The following MYH3 variants were observed in gnomAD, a reference collection of about 807,000 sequenced individuals.
MYH3 encodes the protein myosin-3.
Under a neutral mutation model 238.0 loss-of-function variants are expected in MYH3, and 130 were observed. That is an observed-to-expected ratio of 0.55 (90% CI 0.47 to 0.63). The LOEUF is 0.63. Among genes scored for constraint, MYH3 ranks in the 30% least tolerant of loss-of-function variants. The pLI is 0.00. For missense variants in MYH3, 1,853 were observed against 2,374.9 expected (o/e 0.78, Z 4.57); for synonymous variants, 880 against 924.1 (o/e 0.95, Z 0.86).
chr17:10,670,512 T>C, the MYH3 span, among the ~76,000 whole-genome samples: 1 of 152,232 alleles, frequency 6.6e-6, no homozygotes, highest in South Asian at 2.1e-4. The surrounding 1 kb of genome is among the most constrained non-coding windows in gnomAD (Gnocchi z 7.0). Context: ...TCTCACTGTG[T>C]TGCCCAGGCT....
the MYH3 span, chr17:10,677,864 C>T: frequency 6.6e-6 from 1 of 152,364 alleles, no homozygotes; most frequent in African/African-American, 2.4e-5. Context: ...CACCTGTAAT[C>T]CCAGCACTTT....
At chr17:10,649,501 AT>A in intron 7 of MYH3, 75 bp downstream of exon 7, 3 of 1,162,134 alleles carry the variant, frequency 2.6e-6, no homozygotes, top group Non-Finnish European at 3.9e-6. Flanking sequence ...ATGTGAGGAC[AT>A]TTGGCCCCCT....
At position 10,631,912 on chromosome 17, in the gene MYH3, C is replaced by T. The variant is rs1209348605; in HGVS notation, c.5061G>A (p.Glu1687=). The change falls in exon 35 of 41, where the codon GAG becomes GAA. Residue 1687 remains glutamate (E), a synonymous_variant. Transcript: ENST00000583535. The stretch of plus-strand genomic sequence containing the variant: ...TCTGCTCCAGAGTAGCCCGCAGCTC[C>T]TCCACCTCGGCCTGCAGCAGGTTGG... ...RRANLLQAEV[E]ELRATLEQTE... 1 of 1,614,184 alleles carries T rather than the reference C, an allele frequency of 6.2e-7. No homozygotes were observed. The highest frequency in any genetic ancestry group is 8.5e-7 in the Non-Finnish European group (1 of 1,180,040).
In MYH3 at chr17:10,635,396, G is replaced by T; in HGVS notation, c.4143C>A (p.Ile1381=). 6.2e-7 allele frequency: 1 copy of T among 1,613,978 alleles called. No homozygotes were observed. The highest frequency in any genetic ancestry group is 8.5e-7 in the Non-Finnish European group (1 of 1,179,874). ...QWRTKYETDA[I]QRTEELEEAK... is the part of the protein sequence containing the mutation. ...CCTCCTCCAGCTCTTCTGTGCGCTG[G>T]ATGGCGTCCGTCTCGTATTTGGTTC... Residue 1381 remains isoleucine, a synonymous_variant, in exon 30 of 41, where the codon ATC becomes ATA. Transcript: ENST00000583535.
chr17:10,639,199 G>C lies in MYH3; in HGVS notation c.3103-10C>G. The C allele has an allele frequency of 6.2e-7, 1 of 1,614,138 alleles. No individual in the cohort carries two copies. Among genetic ancestry groups the C allele is most frequent in the Non-Finnish European group, 8.5e-7 (1 of 1,180,018 alleles). ...CTAGGGAGCTTTCCAGCTGAAAAAG[G>C]CACCATTTCCTTTTGGGAACAAATG... is the stretch of plus-strand genomic sequence containing the variant. On this transcript the variant is annotated splice_polypyrimidine_tract_variant and intron_variant, in intron 24 of 40. Coordinates refer to ENST00000583535, the MANE Select transcript of MYH3 (RefSeq NM_002470.4).
Position 10,650,417 on chromosome 17 carries a change from A to AT in MYH3, c.506-17dup. The AT allele has an allele frequency of 6.2e-7, 1 of 1,610,072 alleles. No individual in the cohort carries two copies. The highest frequency in any genetic ancestry group is 8.5e-7 in the Non-Finnish European group (1 of 1,176,390). On this transcript the variant is annotated splice_polypyrimidine_tract_variant and intron_variant, in intron 5 of 40. Coordinates refer to ENST00000583535, the MANE Select transcript of MYH3 (RefSeq NM_002470.4). ...TTTTCACGATCTGCCAGAGGAAAAAATAAAATAGAGTTGATGGCAATAGAA... is the reference window on the plus strand; with the variant it reads ...TTTTCACGATCTGCCAGAGGAAAAAATTAAAATAGAGTTGATGGCAATAGAA...
At chr17:10,666,576 T>C in the MYH3 span, among the ~76,000 whole-genome samples, 1 of 56,440 alleles carries the variant, frequency 1.8e-5, no homozygotes, top group Non-Finnish European at 3.6e-5. Context: ...ACCTTGTCTC[T>C]ACAAAAAAAA....
At chr17:10,661,864 C>T (rs1450567333), upstream of MYH3, among the ~76,000 whole-genome samples, 1 of 152,116 alleles carries the variant, frequency 6.6e-6, no homozygotes, top group Non-Finnish European at 1.5e-5. Context: ...CTCGGTTATC[C>T]TGAGCCAAGA....
intron 14 of MYH3, 32 bp downstream of exon 14, chr17:10,644,319 C>T: frequency 6.2e-7 from 1 of 1,605,212 alleles, no homozygotes; most frequent in African/African-American, 1.3e-5. Context: ...CATATGAAGC[C>T]ATATGAAAAT....
Position 10,639,767 on chromosome 17 carries a change from G to A in MYH3, c.2718C>T (p.Cys906=), listed in dbSNP as rs746972140. Residue 906 remains cysteine, a synonymous_variant, in exon 23 of 41, where the codon TGC becomes TGT. Coordinates refer to ENST00000583535, the MANE Select transcript of MYH3 (RefSeq NM_002470.4). ...SENLLDAEER[C]DQLIKAKFQL... The stretch of plus-strand genomic sequence containing the variant: ...GGAATTTGGCTTTGATCAGCTGATC[G>A]CATCTTTCCTCAGCATCCAACAAAT... 66 of 1,613,248 alleles carry A rather than the reference G, an allele frequency of 4.1e-5. No individual in the cohort carries two copies. Among genetic ancestry groups the A allele is most frequent in the Non-Finnish European group, 5.3e-5 (63 of 1,179,920 alleles).
chr17:10,635,359 C>G lies in MYH3; in HGVS notation c.4172+8G>C. The G allele has an allele frequency of 6.2e-7, 1 of 1,614,036 alleles. No individual in the cohort carries two copies. Among genetic ancestry groups the G allele is most frequent in the Non-Finnish European group, 8.5e-7 (1 of 1,179,878 alleles). On this transcript the variant is annotated splice_region_variant and intron_variant, in intron 30 of 40. Transcript: ENST00000583535. The stretch of plus-strand genomic sequence containing the variant: ...GTAGTTCTTCTAAAAGCAAACAGAG[C>G]TGCGCACTTGGCCTCCTCCAGCTCT...
rs34274020 is a variant in MYH3 at position 10,639,964 on chromosome 17, T to TAA, written c.2682+30_2682+31dup. 63 of 1,487,360 alleles carry TAA rather than the reference T, an allele frequency of 4.2e-5. No homozygotes were observed. In the African/African-American group the frequency reaches 6.0e-4, roughly 14 times the overall value. The allele number at this position is 1,487,360 out of a possible 1,614,324, so 92.1% of individuals were successfully genotyped here. ...AATAAATAATCAAATCTAGAAGAGT[T>TAA]AAAAAAAAAAAAAAGATTGCTAAAC... is the stretch of plus-strand genomic sequence containing the variant. On this transcript the variant is annotated intron_variant, in intron 22 of 40. Transcript: ENST00000583535.
chr17:10,657,562 T>C (rs1004450104), upstream of MYH3, among the ~76,000 whole-genome samples: 5 of 152,164 alleles, frequency 3.3e-5, no homozygotes, highest in Non-Finnish European at 7.3e-5. Flanking sequence ...CCTCCCCTGA[T>C]GGGATGGGAT....
intron 34 of MYH3, 25 bp from the exon 35 acceptor site, chr17:10,632,041 T>TCTGGCTAGG (rs2074166025): frequency 1.9e-6 from 3 of 1,610,416 alleles, no homozygotes; most frequent in Non-Finnish European, 2.5e-6. Context: ...ACGAACATTC[T>TCTGGCTAGG]ATTTGAAGTT....
At chr17:10,647,623 C>A (rs1036604814) in intron 8 of MYH3, among the ~76,000 whole-genome samples, 197 bp from the exon 9 acceptor site, 4 of 152,228 alleles carry the variant, frequency 2.6e-5, no homozygotes, top group African/African-American at 9.6e-5. Flanking sequence ...CGGCTCACTG[C>A]AACCTCTGCC....
At chr17:10,640,775 C>T in intron 19 of MYH3, 89 bp from the exon 20 acceptor site, 1 of 1,495,876 alleles carries the variant, frequency 6.7e-7, no homozygotes, top group Non-Finnish European at 9.1e-7. Flanking sequence ...TTCCTATAGG[C>T]AGAAGGCCAA....
rs748850892 is a variant in MYH3 at position 10,639,304 on chromosome 17, C to T, written c.3096G>A (p.Val1032=). ...ATGAGCATTATTTACTTACGTCTTC[C>T]ACTTGCTGTTCCAGTTTGCTCTTGG... The part of the protein sequence containing the change: ...NKTKSKLEQQ[V]EDLESSLEQE... The change falls in exon 24 of 41, where the codon GTG becomes GTA. Residue 1032 remains valine (V), a synonymous_variant. Coordinates refer to ENST00000583535, the MANE Select transcript of MYH3 (RefSeq NM_002470.4). 2.9e-5 allele frequency: 47 copies of T among 1,614,064 alleles called. No individual in the cohort carries two copies. The East Asian group carries it at 5.6e-4, about 19-fold the overall frequency.
the MYH3 span, chr17:10,675,268 G>T: frequency 6.5e-6 from 1 of 152,760 alleles, no homozygotes; most frequent in Non-Finnish European, 1.5e-5. Flanking sequence ...TGTTGCTGAA[G>T]CTTGCTGACA....
rs1389346684 is a variant in MYH3 at position 10,654,060 on chromosome 17, T to G, written c.204+801A>C. Among the ~76,000 whole-genome samples the G allele has an allele frequency of 6.6e-6, 1 of 152,176 alleles. No individual in the cohort carries two copies. The highest frequency in any genetic ancestry group is 1.5e-5 in the Non-Finnish European group (1 of 68,028). ...GCAAGCTCCACCTCCCGGGTTCACG[T>G]GCAGGGCGGTTTTTAATGCCTTTTT... On this transcript the variant is annotated intron_variant, in intron 3 of 40. Coordinates refer to ENST00000583535, the MANE Select transcript of MYH3 (RefSeq NM_002470.4). This position sits in a 1 kb window ranked among gnomAD's most constrained non-coding sequence, Gnocchi z 4.5.
Sources: gnomAD v4.1 joint callset for allele counts (sites outside exome capture counted in the v4.1 genomes callset) on GRCh38, gnomAD v4.1.1 for gene constraint, Gnocchi (gnomAD v3.1) non-coding constraint, MANE v1.5 for transcripts, NCBI Gene and HGNC (gene_info 2026-07-23, HGNC 2026-07-21) for gene names.